DLGAP1: variants seen among roughly 807,000 people sequenced by gnomAD.
DLGAP1 encodes DLG associated protein 1.
A neutral mutation model predicts 90.8 loss-of-function variants in DLGAP1; 11 were observed. That is an observed-to-expected ratio of 0.12 (90% CI 0.08 to 0.20). DLGAP1 has a LOEUF of 0.20. DLGAP1 is among the 10% of genes least tolerant of loss of function. The pLI, the probability that DLGAP1 is intolerant of heterozygous loss-of-function variation, is 1.00. For synonymous variants in DLGAP1, 558 were observed against 540.7 expected, an observed-to-expected ratio of 1.03 and a Z score of -0.44; for missense variants, 1,050 against 1,333.8, an observed-to-expected ratio of 0.79 and a Z score of 3.31.
chr18:3,591,476 C>G (rs1031701820), intron 7 of DLGAP1, among the ~76,000 whole-genome samples: 6 of 151,880 alleles, frequency 4.0e-5, no homozygotes, highest in African/African-American at 1.5e-4. Flanking sequence ...TCTCTTTGAG[C>G]TCAGGAGTCT....
chr18:4,157,811 T>C (rs2076781922), intron 1 of DLGAP1, among the ~76,000 whole-genome samples: 1 of 152,174 alleles, frequency 6.6e-6, no homozygotes, highest in South Asian at 2.1e-4. Flanking sequence ...GTGTGCTATG[T>C]CTGTGAGTAA....
chr18:3,932,749 TGCTA>T (rs1163705671), intron 3 of DLGAP1, among the ~76,000 whole-genome samples: 3 of 152,208 alleles, frequency 2.0e-5, no homozygotes, highest in Admixed American at 6.5e-5. Context: ...GACCACTTGG[TGCTA>T]GGCACTAACT....
intron 1 of DLGAP1, among the ~76,000 whole-genome samples, chr18:4,390,395 C>T (rs778526925): frequency 6.6e-6 from 1 of 151,930 alleles, no homozygotes; most frequent in Non-Finnish European, 1.5e-5. Context: ...ACAGTTTCTA[C>T]ATCAGGGCTC....
chr18:3,645,552 G>A (rs1340639610), intron 7 of DLGAP1, among the ~76,000 whole-genome samples: 1 of 152,070 alleles, frequency 6.6e-6, no homozygotes, highest in Non-Finnish European at 1.5e-5. Context: ...GCAGGCTTAG[G>A]TCTCCCTCAA....
intron 1 of DLGAP1, among the ~76,000 whole-genome samples, chr18:4,443,395 T>C (rs67281160): frequency 0.32 from 48,760 of 152,116 alleles, 8,053 homozygotes; most frequent in African/African-American, 0.33. Flanking sequence ...GCACCAACCA[T>C]TGGCAGAGCC....
At chr18:4,168,221 T>C (rs1275785789) in intron 1 of DLGAP1, among the ~76,000 whole-genome samples, 1 of 152,152 alleles carries the variant, frequency 6.6e-6, no homozygotes, top group African/African-American at 2.4e-5. Context: ...GACAGTACGG[T>C]ATTGGTGGAG....
At chr18:3,898,531 A>G (rs2071707626) in intron 3 of DLGAP1, among the ~76,000 whole-genome samples, 1 of 152,182 alleles carries the variant, frequency 6.6e-6, no homozygotes, top group Admixed American at 6.5e-5. Context: ...TGTCAATGAC[A>G]AATGTTACCT....
chr18:3,845,349 G>A (rs544271164), intron 4 of DLGAP1: 8 of 1,556,448 alleles, frequency 5.1e-6, no homozygotes, highest in Middle Eastern at 1.7e-4. Context: ...ATGATTTGCC[G>A]ATTCTAAGTG....
At chr18:4,368,247 G>T (rs1044455275) in intron 1 of DLGAP1, among the ~76,000 whole-genome samples, 1 of 152,110 alleles carries the variant, frequency 6.6e-6, no homozygotes, top group African/African-American at 2.4e-5. Flanking sequence ...TTAGCCAATG[G>T]TATTGAATTT....
chr18:3,699,853 G>C (rs1033026840), intron 7 of DLGAP1, among the ~76,000 whole-genome samples: 1 of 152,226 alleles, frequency 6.6e-6, no homozygotes, highest in Admixed American at 6.5e-5. Context: ...GAGGAAGCTA[G>C]AGAGGCAGTC....
intron 7 of DLGAP1, among the ~76,000 whole-genome samples, chr18:3,617,992 G>A (rs2057940856): frequency 6.6e-6 from 1 of 152,066 alleles, no homozygotes; most frequent in Admixed American, 6.5e-5. Context: ...AGCCAAGATC[G>A]TGCCATTGCC....
chr18:3,876,835 C>T (rs1327641053), intron 4 of DLGAP1, among the ~76,000 whole-genome samples: 2 of 152,136 alleles, frequency 1.3e-5, no homozygotes, highest in African/African-American at 4.8e-5. Flanking sequence ...TCCAATAATG[C>T]TACTACTAAA....
Position 3,783,064 on chromosome 18 carries a change from T to C in DLGAP1, c.1172+30995A>G, listed in dbSNP as rs375891798. Among the ~76,000 whole-genome samples the C allele has an allele frequency of 7.9e-5, 12 of 152,320 alleles. No individual in the cohort carries two copies. In the East Asian group the frequency reaches 1.5e-3, roughly 20 times the overall value. ...GCATATACAAAGATTCTCAAATGGT[T>C]AGTCATTTGAGCAATGCAAATCAAA... is the stretch of plus-strand genomic sequence containing the variant. On this transcript the variant is annotated intron_variant, in intron 5 of 12. Transcript: ENST00000315677.
chr18:4,060,481 C>G (rs58234075), intron 2 of DLGAP1, among the ~76,000 whole-genome samples: 21,789 of 152,240 alleles, frequency 0.14, 1,833 homozygotes, highest in East Asian at 0.35. Flanking sequence ...CAACCTGCAA[C>G]TTTAACCTCG....
At chr18:3,973,937 A>C (rs2073511200) in intron 3 of DLGAP1, among the ~76,000 whole-genome samples, 1 of 152,210 alleles carries the variant, frequency 6.6e-6, no homozygotes, top group South Asian at 2.1e-4. Context: ...CTCAGGCTAT[A>C]TGCTAGAGCC....
At chr18:4,263,044 T>A (rs1041683626) in intron 1 of DLGAP1, among the ~76,000 whole-genome samples, 1 of 152,172 alleles carries the variant, frequency 6.6e-6, no homozygotes, top group South Asian at 2.1e-4. Context: ...GCGATTCTCC[T>A]GCCTCAAGCC....
chr18:3,893,632 A>T (rs1336628519), intron 3 of DLGAP1, among the ~76,000 whole-genome samples: 1 of 149,846 alleles, frequency 6.7e-6, no homozygotes, highest in Non-Finnish European at 1.5e-5. Context: ...AGAACAATTC[A>T]ATCATCTATT....
chr18:3,969,096 T>G (rs2073391289), intron 3 of DLGAP1, among the ~76,000 whole-genome samples: 1 of 152,128 alleles, frequency 6.6e-6, no homozygotes, highest in Non-Finnish European at 1.5e-5. Flanking sequence ...TCCTTAACAA[T>G]ATTCAAAGAA....
In DLGAP1 at chr18:3,534,338, C is replaced by G. The variant is rs1249227762; in HGVS notation, c.2335G>C (p.Asp779His). 6.2e-7 allele frequency: 1 copy of G among 1,614,182 alleles called. No individual in the cohort carries two copies. The highest frequency in any genetic ancestry group is 8.5e-7 in the Non-Finnish European group (1 of 1,180,038). The stretch of plus-strand genomic sequence containing the variant: ...GACCTTTGCACGGCCTCCAGAGGGT[C>G]TTCAGTGATAGAGTCAATCCAGGGG... Reference protein sequence around the residue: ...PDPWIDSITEDPLEAVQRSVC... With the variant: ...PDPWIDSITEHPLEAVQRSVC... The change falls in exon 10 of 13, where the codon GAC becomes CAC. Residue 779 changes from aspartate to histidine, a missense_variant. By Grantham distance (81) the Asp-to-His change is moderately conservative. This residue lies in a region of DLGAP1 where 565 missense variants were observed against 879.7 expected (regional missense o/e 0.64). Transcript: ENST00000315677.
Sources: allele counts gnomAD v4.1 joint callset (sites outside exome capture counted in the v4.1 genomes callset), GRCh38; gene constraint gnomAD v4.1.1; regional missense constraint gnomAD v4.1.1; transcripts MANE v1.5; gene names NCBI Gene and HGNC (gene_info 2026-07-23, HGNC 2026-07-21).